Variants in TLK1 observed in about 807,000 individuals in gnomAD.
TLK1 encodes the protein tousled like kinase 1.
A neutral mutation model predicts 105.3 loss-of-function variants in TLK1; 24 were observed. The ratio of observed to expected loss-of-function variants is 0.23; its 90% CI spans 0.17 to 0.32. The LOEUF is 0.32. Among genes scored for constraint, TLK1 ranks in the 10% least tolerant of loss-of-function variants. The pLI, the probability that TLK1 is intolerant of heterozygous loss-of-function variation, is 1.00. For missense variants in TLK1, 558 were observed against 910.5 expected (o/e 0.61, Z 4.98); for synonymous variants, 321 against 310.4 (o/e 1.03, Z -0.36).
chr2:171,044,882 G>T (rs1485507630), intron 11 of TLK1, among the ~76,000 whole-genome samples: 2 of 152,184 alleles, frequency 1.3e-5, no homozygotes, highest in African/African-American at 4.8e-5. Context: ...ACAGCATTTA[G>T]CATCAGGAAG....
At chr2:170,999,728 G>A (rs1315895226) in intron 18 of TLK1, among the ~76,000 whole-genome samples, 1 of 152,146 alleles carries the variant, frequency 6.6e-6, no homozygotes, top group African/African-American at 2.4e-5. Flanking sequence ...TGGAGGCACT[G>A]ACCCATGCAG....
intron 1 of TLK1, among the ~76,000 whole-genome samples, chr2:171,189,793 A>C (rs1693109780): frequency 6.6e-6 from 1 of 152,152 alleles, no homozygotes; most frequent in East Asian, 1.9e-4. Context: ...TCATGTTGTC[A>C]TTTTGTGGTC....
At chr2:171,151,028 C>CA (rs1553484311) in intron 1 of TLK1, among the ~76,000 whole-genome samples, 1 of 144,646 alleles carries the variant, frequency 6.9e-6, no homozygotes, top group Non-Finnish European at 1.5e-5. Flanking sequence ...GGGTACATTC[C>CA]TTTTTTTTTT....
intron 12 of TLK1, among the ~76,000 whole-genome samples, chr2:171,022,038 G>A (rs1685535640): frequency 6.6e-6 from 1 of 151,444 alleles, no homozygotes; most frequent in South Asian, 2.1e-4. Context: ...GGGAAGCGGA[G>A]GCTGCAGTGA....
intron 1 of TLK1, among the ~76,000 whole-genome samples, chr2:171,211,472 CA>C (rs1334412756): frequency 6.6e-6 from 1 of 151,944 alleles, no homozygotes; most frequent in East Asian, 1.9e-4. Context: ...GAGGTGCATA[CA>C]AAAGTGTAAT....
intron 1 of TLK1, among the ~76,000 whole-genome samples, chr2:171,223,310 A>G (rs1268603869): frequency 6.6e-6 from 1 of 152,008 alleles, no homozygotes; most frequent in African/African-American, 2.4e-5. Context: ...ACCAGCATCC[A>G]TTATTTTTTG....
At chr2:171,027,921 G>C in intron 12 of TLK1, among the ~76,000 whole-genome samples, 1 of 152,182 alleles carries the variant, frequency 6.6e-6, no homozygotes. Context: ...CCAGCACCTT[G>C]GGAGGCCAAG....
Position 171,049,921 on chromosome 2 carries a change from C to T in TLK1, c.873G>A (p.Glu291=), listed in dbSNP as rs1687153543. ...KSTQEKLSSR[E]KSMQDRLRLG... is the part of the protein sequence containing the mutation. Reference sequence around the variant, plus strand: ...GGCGTAATCGATCTTGCATACTCTTCTCTCTGCTTGACAGCTTTTCTTGTG... The same window carrying T: ...GGCGTAATCGATCTTGCATACTCTTTTCTCTGCTTGACAGCTTTTCTTGTG... Residue 291 remains glutamate (E), a synonymous_variant, in exon 10 of 21, where the codon GAG becomes GAA. Coordinates refer to ENST00000431350, the MANE Select transcript of TLK1 (RefSeq NM_012290.5). The T allele has an allele frequency of 4.3e-6, 7 of 1,613,616 alleles. No individual in the cohort carries two copies. Among genetic ancestry groups the T allele is most frequent in the Non-Finnish European group, 5.1e-6 (6 of 1,179,898 alleles).
chr2:171,020,316 T>C (rs12692961), intron 12 of TLK1, among the ~76,000 whole-genome samples: 148,010 of 151,940 alleles, frequency 0.97, 72,179 homozygotes, highest in East Asian at 1. Context: ...CTGAGGTGGG[T>C]GGATCATGAG....
intron 1 of TLK1, among the ~76,000 whole-genome samples, chr2:171,189,033 A>G (rs1693092430): frequency 6.6e-6 from 1 of 152,262 alleles, no homozygotes; most frequent in Admixed American, 6.5e-5. Context: ...AAGTAAACAT[A>G]TAAGAATTAT....
chr2:171,048,579 C>A (rs1452591439), intron 10 of TLK1, among the ~76,000 whole-genome samples: 1 of 34,230 alleles, frequency 2.9e-5, no homozygotes, highest in Admixed American at 4.5e-4. Flanking sequence ...ATTCCGATCA[C>A]GTACACTATA....
chr2:171,195,557 A>T (rs1693258131), intron 1 of TLK1, among the ~76,000 whole-genome samples: 1 of 151,792 alleles, frequency 6.6e-6, no homozygotes, highest in South Asian at 2.1e-4. Flanking sequence ...ATATTTGAAT[A>T]TATATTATTT....
chr2:171,227,484 T>C (rs780105502), intron 1 of TLK1, among the ~76,000 whole-genome samples: 9 of 151,646 alleles, frequency 5.9e-5, no homozygotes, highest in Non-Finnish European at 1.2e-4. Context: ...TTGACTTATG[T>C]GTACCTGAGT....
In TLK1 at chr2:171,160,336, G is replaced by GGCC. The variant is rs759104139; in HGVS notation, c.90_92dup (p.Ala31dup). On this transcript the variant is annotated inframe_insertion, in exon 1 of 21. Coordinates refer to ENST00000431350, the MANE Select transcript of TLK1 (RefSeq NM_012290.5). The surrounding 1 kb of genome is among the most constrained non-coding windows in gnomAD (Gnocchi z 4.4). Reference sequence around the variant, plus strand: ...GCGGCGTGTGATTCAGCAGGGACCTGGCCGCCGCCGCCGAGCCCGGGGTTG... The same window carrying GGCC: ...GCGGCGTGTGATTCAGCAGGGACCTGGCCGCCGCCGCCGCCGAGCCCGGGGTTG... The GGCC allele has an allele frequency of 8.5e-5, 136 of 1,603,964 alleles. No homozygotes were observed. The highest frequency in any genetic ancestry group is 1.7e-4 in the Middle Eastern group (1 of 5,856).
intron 3 of TLK1, among the ~76,000 whole-genome samples, chr2:171,071,232 G>A (rs117418364): frequency 0.013 from 1,928 of 151,496 alleles, 49 homozygotes; most frequent in Admixed American, 0.056. Context: ...TTATCTCCTC[G>A]CTTTGTTGAT....
chr2:171,131,069 G>A (rs1285767795), intron 1 of TLK1, among the ~76,000 whole-genome samples: 1 of 151,560 alleles, frequency 6.6e-6, no homozygotes, highest in Non-Finnish European at 1.5e-5. Context: ...ATATATCTTT[G>A]TATCTATATA....
chr2:171,097,730 C>T (rs1689508248), intron 2 of TLK1, among the ~76,000 whole-genome samples: 1 of 152,108 alleles, frequency 6.6e-6, no homozygotes, highest in Non-Finnish European at 1.5e-5. Flanking sequence ...TTGAGACCAG[C>T]CTGGCCAACA....
At chr2:171,034,761 G>A (rs1686238476) in intron 11 of TLK1, among the ~76,000 whole-genome samples, 1 of 152,064 alleles carries the variant, frequency 6.6e-6, no homozygotes, top group African/African-American at 2.4e-5. Context: ...ATTAAAAAAT[G>A]TTATCACTAG....
At position 171,225,595 on chromosome 2, in the gene TLK1, G is replaced by A. The variant is rs545487782; in HGVS notation, c.-6+5550C>T. Among the ~76,000 whole-genome samples the A allele has an allele frequency of 9.2e-5, 14 of 152,132 alleles. No homozygotes were observed. In the South Asian group the frequency reaches 2.1e-3, roughly 23 times the overall value. ...AAAAACTTAAACACAGAGTTACTGC[G>A]ACCCAGATTTTCCACTCTATACATA... On this transcript the variant is annotated intron_variant, in intron 1 of 20. Coordinates refer to the TLK1 transcript ENST00000521943.
Sources: gnomAD v4.1 joint callset for allele counts (sites outside exome capture counted in the v4.1 genomes callset) on GRCh38, gnomAD v4.1.1 for gene constraint, Gnocchi (gnomAD v3.1) non-coding constraint, MANE v1.5 for transcripts, NCBI Gene and HGNC (gene_info 2026-07-23, HGNC 2026-07-21) for gene names.